The following SUPT7L variants were observed in gnomAD, a reference collection of about 807,000 sequenced individuals.
The protein encoded by SUPT7L is STAGA complex 65 subunit gamma.
SUPT7L carries 15 observed loss-of-function variants against 35.7 expected under a neutral mutation model. The ratio of observed to expected loss-of-function variants is 0.42; its 90% confidence interval spans 0.28 to 0.65. SUPT7L has a LOEUF of 0.65. SUPT7L is among the 30% of genes least tolerant of loss of function. SUPT7L has a pLI of 0.23. For synonymous variants in SUPT7L, 168 were observed against 186.2 expected (o/e 0.90, Z 0.79); for missense variants, 434 against 522.2 (o/e 0.83, Z 1.65).
downstream of SUPT7L, among the ~76,000 whole-genome samples, chr2:27,646,863 C>T (rs910708543): frequency 2.6e-5 from 4 of 152,114 alleles, no homozygotes; most frequent in Non-Finnish European, 5.9e-5. Flanking sequence ...TAAGTGTACT[C>T]ACTTGTGCCA....
At chr2:27,649,966 C>A (rs1200163174), downstream of SUPT7L, 3 of 535,078 alleles carry the variant, frequency 5.6e-6, no homozygotes, top group Non-Finnish European at 1.0e-5. Context: ...CATGATAGAG[C>A]ATGCTTCTAG....
intron 5 of SUPT7L, 47 bp downstream of exon 5, chr2:27,655,318 A>G: frequency 6.7e-7 from 1 of 1,485,908 alleles, no homozygotes; most frequent in Non-Finnish European, 9.0e-7. Context: ...AAGTACTGAA[A>G]TTGGCAGATC....
chr2:27,653,834 A>G, intron 5 of SUPT7L, 87 bp from the exon 6 acceptor site: 4 of 1,496,806 alleles, frequency 2.7e-6, no homozygotes, highest in Non-Finnish European at 3.7e-6. Context: ...CTCAGAACCA[A>G]CTAATATGCT....
chr2:27,655,014 CA>C (rs1674725001), intron 5 of SUPT7L, among the ~76,000 whole-genome samples: 1 of 152,122 alleles, frequency 6.6e-6, no homozygotes, highest in Non-Finnish European at 1.5e-5. Flanking sequence ...CAGGAAGGAC[CA>C]ATACAGAATA....
At chr2:27,648,026 C>T (rs1674324791), downstream of SUPT7L, 26 of 774,882 alleles carry the variant, frequency 3.4e-5, no homozygotes, top group South Asian at 3.1e-4. Flanking sequence ...TTGCTTTAAG[C>T]GTGTAGCCAG....
chr2:27,661,649 T>C, intron 2 of SUPT7L: 5 of 1,330,108 alleles, frequency 3.8e-6, no homozygotes, highest in Non-Finnish European at 2.9e-6. Context: ...GTTATTGTCA[T>C]ACTATGACAA....
rs149360757 is a variant in SUPT7L, at chr2:27,657,800, A to G, written c.420-131T>C. ...TCCAGGGAAATTCCATCCAAGTTAC[A>G]TAGCTCAGTTTCATCCTGCTGCTAT... On this transcript the variant is annotated intron_variant, in intron 3 of 5. Coordinates refer to ENST00000337768, the MANE Select transcript of SUPT7L (RefSeq NM_014860.3). The surrounding 1 kb of genome is among the most constrained non-coding windows in gnomAD (Gnocchi z 5.2). The G allele has an allele frequency of 2.3e-6, 2 of 858,918 alleles. No individual in the cohort carries two copies. Among genetic ancestry groups the G allele is most frequent in the Admixed American group, 2.9e-5 (1 of 34,902 alleles). The allele number at this position is 858,918 out of a possible 1,614,324, so 53.2% of individuals were successfully genotyped here.
chr2:27,647,033 A>C (rs1000555549), downstream of SUPT7L, among the ~76,000 whole-genome samples: 7 of 151,920 alleles, frequency 4.6e-5, no homozygotes, highest in Non-Finnish European at 1.5e-5. Flanking sequence ...TCATTTGAGG[A>C]AAGTCACAAG....
the SUPT7L span, among the ~76,000 whole-genome samples, chr2:27,644,112 T>A: frequency 6.6e-6 from 1 of 152,256 alleles, no homozygotes; most frequent in Admixed American, 6.5e-5. Context: ...GAGGCAGAAG[T>A]TGCAGTGAGC....
intron 2 of SUPT7L, chr2:27,661,785 C>T: frequency 2.3e-6 from 1 of 429,372 alleles, no homozygotes; most frequent in South Asian, 2.8e-5. Flanking sequence ...GAACTACCAT[C>T]ACGCTCAATC....
At chr2:27,648,492 C>G (rs1674354805), downstream of SUPT7L, among the ~76,000 whole-genome samples, 1 of 152,152 alleles carries the variant, frequency 6.6e-6, no homozygotes, top group Non-Finnish European at 1.5e-5. Flanking sequence ...GAACTCCAGG[C>G]TGGGTGACAG....
At chr2:27,644,306 T>A in the SUPT7L span, among the ~76,000 whole-genome samples, 7 of 152,328 alleles carry the variant, frequency 4.6e-5, no homozygotes, top group African/African-American at 1.7e-4. Context: ...ACCCATTAGT[T>A]TTAATATCCA....
chr2:27,661,991 A>T, intron 2 of SUPT7L, 188 bp downstream of exon 2: 3 of 728,998 alleles, frequency 4.1e-6, no homozygotes, highest in Non-Finnish European at 6.7e-6. Flanking sequence ...AGAACGTGAG[A>T]GATTTCTGCT....
At chr2:27,642,954 T>TACACACACACACACACACAC in the SUPT7L span, among the ~76,000 whole-genome samples, 233 of 46,786 alleles carry the variant, frequency 5.0e-3, no homozygotes, top group Admixed American at 0.015. Flanking sequence ...TATATATATA[T>TACACACACACACACACACAC]ATATACACAC....
rs376234000 is a variant in SUPT7L at position 27,651,966 on chromosome 2, G to C, written c.*1519C>G. 4 of 152,188 alleles carry C rather than the reference G, an allele frequency of 2.6e-5. No individual in the cohort carries two copies. The East Asian group carries it at 7.7e-4, about 29-fold the overall frequency. 9.4% of individuals were successfully genotyped at this position (152,188 alleles called of 1,614,324 possible). Reference sequence around the variant, plus strand: ...GTTTTGAGACCAGCCTGGCCAACACGGTGAAACCTCATCTCTACTAAAAAT... The same window carrying C: ...GTTTTGAGACCAGCCTGGCCAACACCGTGAAACCTCATCTCTACTAAAAAT... On this transcript the variant is annotated 3_prime_UTR_variant, in exon 6 of 6. Coordinates refer to ENST00000337768, the MANE Select transcript of SUPT7L (RefSeq NM_014860.3).
Position 27,662,254 on chromosome 2 carries a change from C to A in SUPT7L, c.-62G>T. 2 of 1,561,690 alleles carry A rather than the reference C, an allele frequency of 1.3e-6. No homozygotes were observed. Among genetic ancestry groups the A allele is most frequent in the South Asian group, 2.2e-5 (2 of 89,834 alleles). On this transcript the variant is annotated 5_prime_UTR_variant, in exon 2 of 6. Transcript: ENST00000337768. ...CAAATGCCAGGCATTCTGTGTCGGT[C>A]AAAGACTGATAATGTGAGATCCTTG...
chr2:27,657,441 C>G lies in SUPT7L; in HGVS notation c.648G>C (p.Met216Ile), dbSNP rs201032397. Residue 216 changes from methionine (M) to isoleucine (I), a missense_variant, in exon 4 of 6, where the codon ATG becomes ATC. This residue lies in a region of SUPT7L where 198 missense variants were observed against 190.8 expected (regional missense o/e 1.04). Coordinates refer to ENST00000337768, the MANE Select transcript of SUPT7L (RefSeq NM_014860.3). The surrounding 1 kb of genome is among the most constrained non-coding windows in gnomAD (Gnocchi z 5.2). Reference protein sequence around the residue: ...RLGQTPFPDVMEQVFHEVGIG... With the variant: ...RLGQTPFPDVIEQVFHEVGIG... ...TACCCACTTCATGGAATACCTGCTC[C>G]ATCACATCAGGAAAAGGAGTCTGTC... 7 of 1,614,150 alleles carry G rather than the reference C, an allele frequency of 4.3e-6. No individual in the cohort carries two copies. In the African/African-American group the frequency reaches 6.7e-5, roughly 15 times the overall value.
At chr2:27,662,918 T>A (rs1675184864) in intron 1 of SUPT7L, among the ~76,000 whole-genome samples, 1 of 151,288 alleles carries the variant, frequency 6.6e-6, no homozygotes, top group Non-Finnish European at 1.5e-5. Flanking sequence ...TAGCTGGGAC[T>A]ACAGGCGCGC....
chr2:27,653,657 C>A lies in SUPT7L; in HGVS notation c.1073G>T (p.Gly358Val). The A allele has an allele frequency of 6.2e-7, 1 of 1,614,174 alleles. No homozygotes were observed. Among genetic ancestry groups the A allele is most frequent in the South Asian group, 1.1e-5 (1 of 91,086 alleles). Residue 358 changes from glycine (G) to valine (V), a missense_variant, in exon 6 of 6, where the codon GGT becomes GTT. Physicochemically the swap from Gly to Val is moderately radical, Grantham distance 109 (BLOSUM62 -3). Coordinates refer to ENST00000337768, the MANE Select transcript of SUPT7L (RefSeq NM_014860.3). ...CTCGAAGACATCACTGCCCAGCACACCATGCCCAGAGACATTGCCTTCTTC... is the reference window on the plus strand; with the variant it reads ...CTCGAAGACATCACTGCCCAGCACAACATGCCCAGAGACATTGCCTTCTTC... ...ESEEGNVSGHGVLGSDVFEEP... is the reference protein window; with the variant it reads ...ESEEGNVSGHVVLGSDVFEEP...
Sources: gnomAD v4.1 joint callset for allele counts (sites outside exome capture counted in the v4.1 genomes callset) on GRCh38, gnomAD v4.1.1 for gene constraint, gnomAD v4.1.1 regional missense constraint, Gnocchi (gnomAD v3.1) non-coding constraint, MANE v1.5 for transcripts, NCBI Gene and HGNC (gene_info 2026-07-23, HGNC 2026-07-21) for gene names.